Variants in TRAT1 observed in about 807,000 individuals in gnomAD.
TRAT1 encodes the protein T-cell receptor-associated transmembrane adapter 1.
A neutral mutation model predicts 20.0 loss-of-function variants in TRAT1; 20 were observed. That is an observed-to-expected ratio of 1.00 (90% CI 0.70 to 1.45). The LOEUF (loss-of-function observed/expected upper bound fraction) is 1.45, where lower values mean the gene tolerates loss of function less well. TRAT1 is among the 40% of genes most tolerant of loss of function. The pLI is 0.00. For missense variants in TRAT1, 237 were observed against 224.1 expected, an observed-to-expected ratio of 1.06 and a Z score of -0.37; for synonymous variants, 77 against 74.2, an observed-to-expected ratio of 1.04 and a Z score of -0.20.
At chr3:108,828,963 C>A (rs1444750295) in intron 1 of TRAT1, among the ~76,000 whole-genome samples, 1 of 152,020 alleles carries the variant, frequency 6.6e-6, no homozygotes, top group Non-Finnish European at 1.5e-5. Flanking sequence ...TTCACACAGG[C>A]AAGGTCAAAA....
chr3:108,824,515 G>A (rs964708696), intron 1 of TRAT1, among the ~76,000 whole-genome samples: 4 of 152,144 alleles, frequency 2.6e-5, no homozygotes, highest in African/African-American at 9.7e-5. Flanking sequence ...GCTATCATTT[G>A]TGATAGTCTG....
At chr3:108,842,764 C>T (rs537184333) in intron 3 of TRAT1, among the ~76,000 whole-genome samples, 12 of 152,280 alleles carry the variant, frequency 7.9e-5, no homozygotes, top group Admixed American at 5.9e-4. Context: ...CAAACTTTGG[C>T]GAAAGACCCT....
intron 2 of TRAT1, among the ~76,000 whole-genome samples, chr3:108,831,565 GAT>G (rs1945793577): frequency 6.8e-6 from 1 of 147,888 alleles, no homozygotes; most frequent in Non-Finnish European, 1.5e-5. Context: ...TTTGAGACAG[GAT>G]CTTGCTCTGT....
intron 5 of TRAT1, among the ~76,000 whole-genome samples, chr3:108,853,006 A>G (rs1217718525): frequency 1.3e-5 from 2 of 152,232 alleles, no homozygotes; most frequent in Non-Finnish European, 2.9e-5. Context: ...GGATATCTCC[A>G]AGGCCAATCC....
intron 3 of TRAT1, among the ~76,000 whole-genome samples, chr3:108,843,951 A>G (rs555077644): frequency 4.8e-4 from 73 of 152,316 alleles, no homozygotes; most frequent in African/African-American, 1.6e-3. Context: ...GCCTCATTCC[A>G]TAAATAATGT....
chr3:108,834,129 A>T (rs576961829), intron 2 of TRAT1, among the ~76,000 whole-genome samples: 1 of 152,308 alleles, frequency 6.6e-6, no homozygotes, highest in African/African-American at 2.4e-5. Flanking sequence ...GAGCTTTAGC[A>T]CTAAATGTTG....
At chr3:108,848,182 G>C (rs1172242981) in intron 4 of TRAT1, among the ~76,000 whole-genome samples, 1 of 152,050 alleles carries the variant, frequency 6.6e-6, no homozygotes, top group Non-Finnish European at 1.5e-5. Flanking sequence ...AGTGAGCCCA[G>C]GTGCCGCTTG....
At chr3:108,827,112 G>A (rs1410238351) in intron 1 of TRAT1, among the ~76,000 whole-genome samples, 2 of 152,060 alleles carry the variant, frequency 1.3e-5, no homozygotes, top group Admixed American at 6.6e-5. Context: ...ATAATTTCTC[G>A]AGTTCTTCGG....
chr3:108,833,367 G>A (rs987269539), intron 2 of TRAT1, among the ~76,000 whole-genome samples: 20 of 152,024 alleles, frequency 1.3e-4, no homozygotes, highest in Non-Finnish European at 2.6e-4. Flanking sequence ...GCCATGAGCT[G>A]AAATAGCGCC....
At chr3:108,827,594 C>A (rs531406252) in intron 1 of TRAT1, among the ~76,000 whole-genome samples, 4 of 152,048 alleles carry the variant, frequency 2.6e-5, no homozygotes, top group Admixed American at 6.6e-5. Context: ...AAATAAAAAT[C>A]TTCCTGTTTA....
intron 3 of TRAT1, among the ~76,000 whole-genome samples, chr3:108,844,713 G>A (rs1167275112): frequency 4.6e-5 from 7 of 150,898 alleles, no homozygotes; most frequent in Non-Finnish European, 1.0e-4. Flanking sequence ...GTGTGGTGGC[G>A]GGCGCCTGTA....
chr3:108,848,614 A>G (rs1576525051), intron 4 of TRAT1, among the ~76,000 whole-genome samples: 1 of 152,236 alleles, frequency 6.6e-6, no homozygotes, highest in East Asian at 1.9e-4. Context: ...GCAGCCCCAG[A>G]CCCTTAGGCA....
intron 2 of TRAT1, 46 bp from the exon 3 acceptor site, chr3:108,838,888 G>T (rs1407911025): frequency 7.1e-7 from 1 of 1,404,794 alleles, no homozygotes. Flanking sequence ...TTTAACAAAG[G>T]TATGTCAACA....
intron 1 of TRAT1, among the ~76,000 whole-genome samples, chr3:108,825,473 A>C (rs1253674632): frequency 6.6e-6 from 1 of 152,066 alleles, no homozygotes; most frequent in South Asian, 2.1e-4. Flanking sequence ...TCTTCTCTTG[A>C]GCCTCATCAC....
At chr3:108,849,773 G>A (rs975780075) in intron 5 of TRAT1, among the ~76,000 whole-genome samples, 11 of 152,202 alleles carry the variant, frequency 7.2e-5, no homozygotes, top group African/African-American at 2.4e-4. Context: ...CACAGTTTAT[G>A]TGGACGTAGG....
chr3:108,830,862 A>T, intron 2 of TRAT1, 82 bp downstream of exon 2: 1 of 834,896 alleles, frequency 1.2e-6, no homozygotes, highest in Non-Finnish European at 2.0e-6. Flanking sequence ...GAAGCAGACA[A>T]TTTTATGAAA....
At chr3:108,839,052 G>GTTAAA (rs1945867568) in intron 3 of TRAT1, 85 bp downstream of exon 3, 1 of 1,043,378 alleles carries the variant, frequency 9.6e-7, no homozygotes, top group Admixed American at 1.8e-5. Flanking sequence ...TTTGGCTCAT[G>GTTAAA]GATATTGTAC....
In TRAT1 at chr3:108,846,984, T is replaced by C. The variant is rs1945952893; in HGVS notation, c.153-84T>C. 5 of 958,478 alleles carry C rather than the reference T, an allele frequency of 5.2e-6. No homozygotes were observed. In the South Asian group the frequency reaches 7.1e-5, roughly 14 times the overall value. 59.4% of individuals were successfully genotyped at this position (958,478 alleles called of 1,614,324 possible). A position where few individuals can be genotyped will look rare whatever the true frequency, so the allele number is the denominator to read the frequency against. ...AACCAAGAATAGGCAATAGTTCACT[T>C]AATATTGAATTTAGCTGAGAAGTCA... On this transcript the variant is annotated intron_variant, in intron 3 of 5. Coordinates refer to ENST00000295756, the MANE Select transcript of TRAT1 (RefSeq NM_016388.4).
At chr3:108,849,293 A>G (rs775445401) in intron 5 of TRAT1, 39 bp downstream of exon 5, 4 of 1,518,418 alleles carry the variant, frequency 2.6e-6, no homozygotes, top group Non-Finnish European at 3.6e-6. Flanking sequence ...GCACATTTCA[A>G]GAGCATAAGA....
Sources: allele counts gnomAD v4.1 joint callset (sites outside exome capture counted in the v4.1 genomes callset), GRCh38; gene constraint gnomAD v4.1.1; transcripts MANE v1.5; gene names NCBI Gene and HGNC (gene_info 2026-07-23, HGNC 2026-07-21).